AQP10: variants seen among roughly 807,000 people sequenced by gnomAD.
The protein encoded by AQP10 is aquaporin 10.
Under a neutral mutation model 21.0 loss-of-function variants are expected in AQP10, and 15 were observed. The ratio of observed to expected loss-of-function variants is 0.71; its 90% CI spans 0.48 to 1.10. The LOEUF (loss-of-function observed/expected upper bound fraction) is 1.10, where lower values mean the gene tolerates loss of function less well. Among genes scored for constraint, AQP10 ranks in the 50% least tolerant of loss-of-function variants. The probability of loss-of-function intolerance (pLI) is 0.00; values close to 1 mark genes in which losing one functional copy is unlikely to be tolerated. For synonymous variants in AQP10, 143 were observed against 155.7 expected (o/e 0.92, Z 0.61); for missense variants, 268 against 379.5 (o/e 0.71, Z 2.44).
chr1:154,324,012 T>G (rs542052977), intron 5 of AQP10: 25 of 1,434,938 alleles, frequency 1.7e-5, no homozygotes, highest in Middle Eastern at 2.5e-4. Flanking sequence ...GTTGTGTTCT[T>G]AGGCATGCCA....
intron 2 of AQP10, among the ~76,000 whole-genome samples, chr1:154,322,494 T>TTTC: frequency 6.9e-6 from 1 of 144,024 alleles, no homozygotes; most frequent in African/African-American, 2.6e-5. Context: ...TTCTTCTTTT[T>TTTC]TTTTTTTTTT....
intron 2 of AQP10, among the ~76,000 whole-genome samples, chr1:154,322,584 C>G (rs1484013735): frequency 6.7e-6 from 1 of 148,288 alleles, no homozygotes; most frequent in Non-Finnish European, 1.5e-5. Flanking sequence ...ACTGCAACCT[C>G]TGCCCCTGGG....
Position 154,323,556 on chromosome 1 carries a change from G to A in AQP10, c.490-33G>A. ...AGGGCAGATGGAGCACCTGGCAGCT[G>A]ACAGGGAACCCTCTGCCTCTGTTGA... On this transcript the variant is annotated intron_variant, in intron 4 of 5. Coordinates refer to ENST00000324978, the MANE Select transcript of AQP10 (RefSeq NM_080429.3). The surrounding 1 kb of genome is among the most constrained non-coding windows in gnomAD (Gnocchi z 4.5). The A allele has an allele frequency of 6.3e-7, 1 of 1,599,132 alleles. No homozygotes were observed. Among genetic ancestry groups the A allele is most frequent in the Non-Finnish European group, 8.6e-7 (1 of 1,169,034 alleles).
intron 1 of AQP10, 50 bp from the exon 2 acceptor site, chr1:154,321,883 C>T (rs2149152453): frequency 6.2e-7 from 1 of 1,608,512 alleles, no homozygotes; most frequent in East Asian, 2.2e-5. Context: ...AACCTTTCTC[C>T]CTGTTGGTCT....
At position 154,321,269 on chromosome 1, in the gene AQP10, G is replaced by C; in HGVS notation, c.105+9G>C. On this transcript the variant is annotated intron_variant, in intron 1 of 5. Coordinates refer to ENST00000324978, the MANE Select transcript of AQP10 (RefSeq NM_080429.3). ...GTGTGTTTGTACTCATGGTAGGTAG[G>C]ATCACTGCGGGAAGGAAAGAAGGGG... 1 of 1,608,538 alleles carries C rather than the reference G, an allele frequency of 6.2e-7. No individual in the cohort carries two copies. The highest frequency in any genetic ancestry group is 2.3e-5 in the East Asian group (1 of 44,308).
In AQP10 at chr1:154,321,125, G is replaced by C. The variant is rs1261555723; in HGVS notation, c.-31G>C. The C allele has an allele frequency of 6.4e-7, 1 of 1,574,420 alleles. No homozygotes were observed. The highest frequency in any genetic ancestry group is 8.7e-7 in the Non-Finnish European group (1 of 1,148,512). On this transcript the variant is annotated 5_prime_UTR_variant, in exon 1 of 6. Transcript: ENST00000324978. ...GACAGTGTGCCTATGCAGACAGAGG[G>C]AGCAGTGAATAGCAATAGGGTGTTT...
chr1:154,321,213 C>G lies in AQP10; in HGVS notation c.58C>G (p.Leu20Val). ...GGGCCACCTCCGGATACGCAGCCTC[C>G]TGGCCCGGCAGTGCCTGGCAGAGTT... ...IMGHLRIRSLLARQCLAEFLG... is the reference protein window; with the variant it reads ...IMGHLRIRSLVARQCLAEFLG... The change falls in exon 1 of 6, where the codon CTG becomes GTG. Residue 20 changes from leucine (L) to valine (V), a missense_variant. Leu to Val is a conservative substitution (Grantham distance 32, BLOSUM62 1). Coordinates refer to ENST00000324978, the MANE Select transcript of AQP10 (RefSeq NM_080429.3). 1 of 1,613,860 alleles carries G rather than the reference C, an allele frequency of 6.2e-7. No individual in the cohort carries two copies. Among genetic ancestry groups the G allele is most frequent in the Non-Finnish European group, 8.5e-7 (1 of 1,179,886 alleles).
rs770166174 is a variant in AQP10 at position 154,323,001 on chromosome 1, C to T, written c.252C>T (p.Ala84=). 3.7e-6 allele frequency: 6 copies of T among 1,614,210 alleles called. No homozygotes were observed. Among genetic ancestry groups the T allele is most frequent in the East Asian group, 4.5e-5 (2 of 44,894 alleles). Residue 84 remains alanine, a synonymous_variant, in exon 3 of 6, where the codon GCC becomes GCT. Transcript: ENST00000324978. This position sits in a 1 kb window ranked among gnomAD's most constrained non-coding sequence, Gnocchi z 4.5. The part of the protein sequence containing the change: ...GNVSGAHLNP[A]FSLAMCIVGR... The stretch of plus-strand genomic sequence containing the variant: ...TTGAAGGGGCCCACCTGAATCCAGC[C>T]TTCTCCCTGGCCATGTGCATCGTTG...
At position 154,323,051 on chromosome 1, in the gene AQP10, C is replaced by T. The variant is rs754601574; in HGVS notation, c.302C>T (p.Pro101Leu). ...GGACGCCTCCCCTGGGTCAAGCTCC[C>T]CATTTACATCTTGGTGCAGTTGCTG... ...IVGRLPWVKLPIYILVQLLSA... is the reference protein window; with the variant it reads ...IVGRLPWVKLLIYILVQLLSA... Residue 101 changes from proline (P) to leucine (L), a missense_variant, in exon 3 of 6, where the codon CCC (proline) becomes CTC (leucine). This residue lies in a region of AQP10 where 229 missense variants were observed against 295.1 expected (regional missense o/e 0.78). Transcript: ENST00000324978. The surrounding 1 kb of genome is among the most constrained non-coding windows in gnomAD (Gnocchi z 4.5). 1 of 1,614,180 alleles carries T rather than the reference C, an allele frequency of 6.2e-7. No homozygotes were observed. Among genetic ancestry groups the T allele is most frequent in the South Asian group, 1.1e-5 (1 of 91,086 alleles).
rs1570837449 is a variant in AQP10 at position 154,323,627 on chromosome 1, C to T, written c.528C>T (p.Ala176=). Residue 176 remains alanine (A), a synonymous_variant, in exon 5 of 6, where the codon GCC becomes GCT. Coordinates refer to ENST00000324978, the MANE Select transcript of AQP10 (RefSeq NM_080429.3). The surrounding 1 kb of genome is among the most constrained non-coding windows in gnomAD (Gnocchi z 4.5). ...GGATGCTGATTGTGGGGCTCTTGGC[C>T]ATCCTGGACAGACGGAACAAGGGAG... ...GTGMLIVGLL[A]ILDRRNKGVP... is the part of the protein sequence containing the mutation. 6.2e-7 allele frequency: 1 copy of T among 1,614,158 alleles called. No homozygotes were observed. The highest frequency in any genetic ancestry group is 1.6e-4 in the Middle Eastern group (1 of 6,062).
In AQP10 at chr1:154,323,188, G is replaced by C. The variant is rs1161220975; in HGVS notation, c.371-53G>C. 5.0e-6 allele frequency: 8 copies of C among 1,613,806 alleles called. No individual in the cohort carries two copies. The highest frequency in any genetic ancestry group is 5.9e-6 in the Non-Finnish European group (7 of 1,179,816). ...GGGTGGGCAGGGGTGCCTCAGAATG[G>C]TTTTGGATGAATGAGCAAAGAGGGA... On this transcript the variant is annotated intron_variant, in intron 3 of 5. Transcript: ENST00000324978. The surrounding 1 kb of genome is among the most constrained non-coding windows in gnomAD (Gnocchi z 4.5).
chr1:154,323,198 A>G lies in AQP10; in HGVS notation c.371-43A>G, dbSNP rs767138950. 1.5e-5 allele frequency: 24 copies of G among 1,613,642 alleles called. No homozygotes were observed. Among genetic ancestry groups the G allele is most frequent in the Admixed American group, 3.3e-5 (2 of 59,984 alleles). On this transcript the variant is annotated intron_variant, in intron 3 of 5. Coordinates refer to ENST00000324978, the MANE Select transcript of AQP10 (RefSeq NM_080429.3). The surrounding 1 kb of genome is among the most constrained non-coding windows in gnomAD (Gnocchi z 4.5). ...GGGTGCCTCAGAATGGTTTTGGATG[A>G]ATGAGCAAAGAGGGAAATCCTGGGT...
At chr1:154,321,322 G>A in intron 1 of AQP10, 62 bp downstream of exon 1, 1 of 1,368,850 alleles carries the variant, frequency 7.3e-7, no homozygotes, top group African/African-American at 1.5e-5. Context: ...GGCTCCTTCT[G>A]TTGTCCTTAT....
intron 2 of AQP10, 43 bp downstream of exon 2, chr1:154,322,102 C>T (rs750155397): frequency 4.0e-5 from 65 of 1,609,646 alleles, no homozygotes; most frequent in Non-Finnish European, 4.8e-5. Flanking sequence ...GTGGGATGTG[C>T]ATGCCAGTTT....
Position 154,324,489 on chromosome 1 carries a change from A to C in AQP10, c.*9A>C, listed in dbSNP as rs547502077. The C allele has an allele frequency of 6.2e-7, 1 of 1,611,156 alleles. No homozygotes were observed. The highest frequency in any genetic ancestry group is 1.7e-4 in the Middle Eastern group (1 of 6,046). ...TGGAGTGTAAGCTATGATTAGGACAACCCTCACTTCACTCATGGACCCTGG... is the reference window on the plus strand; with the variant it reads ...TGGAGTGTAAGCTATGATTAGGACACCCCTCACTTCACTCATGGACCCTGG... On this transcript the variant is annotated 3_prime_UTR_variant, in exon 6 of 6. Transcript: ENST00000324978.
At chr1:154,322,362 C>G (rs1410471833) in intron 2 of AQP10, among the ~76,000 whole-genome samples, 1 of 152,148 alleles carries the variant, frequency 6.6e-6, no homozygotes, top group African/African-American at 2.4e-5. Context: ...CCACTCAGGA[C>G]CTCTCCTGTT....
intron 5 of AQP10, 150 bp from the exon 6 acceptor site, chr1:154,324,132 C>A: frequency 9.0e-7 from 1 of 1,106,346 alleles, no homozygotes; most frequent in Non-Finnish European, 1.2e-6. Context: ...CTTCTAAATA[C>A]TATGCTTTGG....
At position 154,323,634 on chromosome 1, in the gene AQP10, G is replaced by A; in HGVS notation, c.535G>A (p.Asp179Asn). ...MLIVGLLAIL[D>N]RRNKGVPAGL... ...GATTGTGGGGCTCTTGGCCATCCTGGACAGACGGAACAAGGGAGTCCCTGC... is the reference window on the plus strand; with the variant it reads ...GATTGTGGGGCTCTTGGCCATCCTGAACAGACGGAACAAGGGAGTCCCTGC... The change falls in exon 5 of 6, where the codon GAC (aspartate) becomes AAC (asparagine). Residue 179 changes from aspartate (D) to asparagine (N), a missense_variant. Around this residue, in one of 3 missense-constraint regions of AQP10, gnomAD observed 229 missense variants for 295.1 expected, o/e 0.78. Coordinates refer to ENST00000324978, the MANE Select transcript of AQP10 (RefSeq NM_080429.3). This position sits in a 1 kb window ranked among gnomAD's most constrained non-coding sequence, Gnocchi z 4.5. The A allele has an allele frequency of 1.2e-6, 2 of 1,614,198 alleles. No individual in the cohort carries two copies. The highest frequency in any genetic ancestry group is 8.5e-7 in the Non-Finnish European group (1 of 1,180,024).
In AQP10 at chr1:154,324,689, C is replaced by T. The variant is rs1236142461; in HGVS notation, c.*209C>T. On this transcript the variant is annotated 3_prime_UTR_variant, in exon 6 of 6. Transcript: ENST00000324978. ...GGTACCAGGACTCAGGCTTCTCATC[C>T]CCTCCTCCCGCAAAGCGGTTTTCTG... 1 of 494,402 alleles carries T rather than the reference C, an allele frequency of 2.0e-6. No individual in the cohort carries two copies. The highest frequency in any genetic ancestry group is 3.6e-5 in the East Asian group (1 of 28,064). 30.6% of individuals were successfully genotyped at this position (494,402 alleles called of 1,614,324 possible).
Sources: gnomAD v4.1 joint callset for allele counts (sites outside exome capture counted in the v4.1 genomes callset) on GRCh38, gnomAD v4.1.1 for gene constraint, gnomAD v4.1.1 regional missense constraint, Gnocchi (gnomAD v3.1) non-coding constraint, MANE v1.5 for transcripts, NCBI Gene and HGNC (gene_info 2026-07-23, HGNC 2026-07-21) for gene names.